MIPOL1: variants seen among roughly 807,000 people sequenced by gnomAD.
MIPOL1 encodes the protein mirror-image polydactyly gene 1 protein.
A neutral mutation model predicts 60.9 loss-of-function variants in MIPOL1; 57 were observed. The ratio of observed to expected loss-of-function variants is 0.94; its 90% CI spans 0.76 to 1.17. The LOEUF is 1.17. MIPOL1 is among the 50% of genes most tolerant of loss of function. MIPOL1 has a pLI of 0.00. For synonymous variants in MIPOL1, 179 were observed against 168.8 expected (o/e 1.06, Z -0.47); for missense variants, 551 against 511.6 (o/e 1.08, Z -0.74).
chr14:37,535,627 C>T (rs918975438), intron 12 of MIPOL1, among the ~76,000 whole-genome samples: 13 of 152,252 alleles, frequency 8.5e-5, no homozygotes, highest in African/African-American at 3.1e-4. Context: ...ATGAAAACTC[C>T]TTTTATAATC....
At chr14:37,427,591 A>G (rs746345839) in intron 11 of MIPOL1, among the ~76,000 whole-genome samples, 15 of 152,164 alleles carry the variant, frequency 9.9e-5, no homozygotes, top group Non-Finnish European at 1.8e-4. Context: ...TTTACCACAC[A>G]TTTTTTTAAA....
intron 11 of MIPOL1, among the ~76,000 whole-genome samples, chr14:37,487,995 C>G (rs2094979502): frequency 6.6e-6 from 1 of 152,200 alleles, no homozygotes. Flanking sequence ...CCCCTAGACA[C>G]TGCTTTAAAT....
At chr14:37,307,950 C>A in intron 7 of MIPOL1, 106 bp from the exon 8 acceptor site, 1 of 869,618 alleles carries the variant, frequency 1.1e-6, no homozygotes, top group Non-Finnish European at 1.9e-6. Flanking sequence ...ACTCTAAAGA[C>A]TAGTCGAATG....
chr14:37,308,203 A>G (rs2086955400), intron 8 of MIPOL1, 114 bp downstream of exon 8: 2 of 1,208,866 alleles, frequency 1.7e-6, no homozygotes, highest in Non-Finnish European at 2.3e-6. Context: ...TTGACACACT[A>G]ATAATGTACA....
chr14:37,464,579 C>T (rs754514397), intron 11 of MIPOL1, among the ~76,000 whole-genome samples: 3 of 151,880 alleles, frequency 2.0e-5, no homozygotes, highest in Non-Finnish European at 2.9e-5. Flanking sequence ...CTGGGGATTC[C>T]AAAGTGGGGT....
chr14:37,446,476 G>A (rs2094336990), intron 11 of MIPOL1, among the ~76,000 whole-genome samples: 1 of 152,070 alleles, frequency 6.6e-6, no homozygotes, highest in South Asian at 2.1e-4. Context: ...ACTGTTGATG[G>A]GACTGTAAAC....
intron 9 of MIPOL1, among the ~76,000 whole-genome samples, chr14:37,364,751 T>C (rs2153489880): frequency 6.6e-6 from 1 of 152,310 alleles, no homozygotes; most frequent in South Asian, 2.1e-4. Context: ...TTTTTCTATT[T>C]CTGTGAAGAA....
chr14:37,268,331 T>C (rs1011018639), intron 4 of MIPOL1, among the ~76,000 whole-genome samples: 1 of 152,122 alleles, frequency 6.6e-6, no homozygotes, highest in African/African-American at 2.4e-5. Context: ...GGGATAAACA[T>C]TTTATAACCA....
intron 1 of MIPOL1, among the ~76,000 whole-genome samples, chr14:37,239,499 C>T (rs1398386900): frequency 1.3e-5 from 2 of 152,000 alleles, no homozygotes; most frequent in African/African-American, 4.8e-5. Context: ...ACATATATTT[C>T]TGGATCCTAA....
rs2083214620 is a variant in MIPOL1, at chr14:37,270,474, C to G, written c.442C>G (p.Leu148Val). 1.9e-6 allele frequency: 3 copies of G among 1,601,226 alleles called. No individual in the cohort carries two copies. The highest frequency in any genetic ancestry group is 1.7e-5 in the Admixed American group (1 of 58,580). ...AGAACAGAGAAAACTAAAGTTTAAGCTGGAACTCCAAGAGAAAGAAACAGA... is the reference window on the plus strand; with the variant it reads ...AGAACAGAGAAAACTAAAGTTTAAGGTGGAACTCCAAGAGAAAGAAACAGA... ...DKEQRKLKFK[L>V]ELQEKETEAK... Residue 148 changes from leucine (L) to valine (V), a missense_variant, in exon 6 of 13, where the codon CTG (leucine) becomes GTG (valine). Leu to Val is a conservative substitution (Grantham distance 32). Transcript: ENST00000684589.
intron 3 of MIPOL1, 148 bp downstream of exon 3, chr14:37,248,055 G>A: frequency 3.0e-6 from 2 of 661,928 alleles, no homozygotes; most frequent in Non-Finnish European, 2.5e-6. Context: ...AGAGACCCAG[G>A]GATTATGAAA....
intron 9 of MIPOL1, among the ~76,000 whole-genome samples, chr14:37,344,615 A>T (rs1046348926): frequency 2.0e-5 from 3 of 152,166 alleles, no homozygotes; most frequent in African/African-American, 7.2e-5. Context: ...TTACTATACT[A>T]ATAATTTCAA....
At chr14:37,433,065 A>C (rs1479821941) in intron 11 of MIPOL1, among the ~76,000 whole-genome samples, 4 of 151,992 alleles carry the variant, frequency 2.6e-5, no homozygotes, top group Admixed American at 2.6e-4. Flanking sequence ...TACTTTTTAA[A>C]ATTTTTTATT....
At chr14:37,435,418 A>G (rs556210204) in intron 11 of MIPOL1, among the ~76,000 whole-genome samples, 1 of 152,186 alleles carries the variant, frequency 6.6e-6, no homozygotes, top group African/African-American at 2.4e-5. Flanking sequence ...CCCTCTTACT[A>G]CATCACTCTA....
Position 37,382,346 on chromosome 14 carries a change from C to T in MIPOL1, c.936+12722C>T, listed in dbSNP as rs541572753. Among the ~76,000 whole-genome samples, 439 of 152,078 alleles carry T rather than the reference C, an allele frequency of 2.9e-3. 2 individuals carry two copies. The highest frequency in any genetic ancestry group is 0.01 in the African/African-American group (418 of 41,540). On this transcript the variant is annotated intron_variant, in intron 10 of 12. Coordinates refer to ENST00000684589, the MANE Select transcript of MIPOL1 (RefSeq NM_001388067.1). ...TTAAAACTTAAGCGTTCTTTCTTAA[C>T]TAAAAATATATTTTTAATAAATAAA...
intron 9 of MIPOL1, among the ~76,000 whole-genome samples, chr14:37,326,244 C>G (rs2089148775): frequency 6.6e-6 from 1 of 152,220 alleles, no homozygotes; most frequent in Non-Finnish European, 1.5e-5. Context: ...GCTATTCTGT[C>G]AAGCTAGCTG....
At chr14:37,392,150 G>C (rs2153520894) in intron 10 of MIPOL1, among the ~76,000 whole-genome samples, 1 of 151,952 alleles carries the variant, frequency 6.6e-6, no homozygotes, top group East Asian at 1.9e-4. Context: ...ATCCAGTTGG[G>C]CTTTTGATAG....
chr14:37,399,502 T>G (rs1301461584), intron 10 of MIPOL1, among the ~76,000 whole-genome samples: 1 of 152,188 alleles, frequency 6.6e-6, no homozygotes, highest in Non-Finnish European at 1.5e-5. Context: ...ATTGGAGTTA[T>G]CATCATTCTC....
intron 11 of MIPOL1, among the ~76,000 whole-genome samples, chr14:37,446,733 A>G (rs2094341323): frequency 6.6e-6 from 1 of 152,226 alleles, no homozygotes; most frequent in African/African-American, 2.4e-5. Context: ...ACCATGGGAT[A>G]CTATGCAGCC....
Sources: allele counts gnomAD v4.1 joint callset (sites outside exome capture counted in the v4.1 genomes callset), GRCh38; gene constraint gnomAD v4.1.1; transcripts MANE v1.5; gene names NCBI Gene and HGNC (gene_info 2026-07-23, HGNC 2026-07-21).